EFR3A: variants seen among roughly 807,000 people sequenced by gnomAD.
EFR3A encodes protein EFR3 homolog A.
In EFR3A, 76 loss-of-function variants were observed where a neutral mutation model predicts 104.4. The observed-to-expected ratio is 0.73, with a 90% CI of 0.60 to 0.88. The LOEUF (loss-of-function observed/expected upper bound fraction) is 0.88. Among genes scored for constraint, EFR3A ranks in the 40% least tolerant of loss-of-function variants. EFR3A has a pLI of 0.00. For synonymous variants in EFR3A, 330 were observed against 330.0 expected (o/e 1.00, Z 0.00); for missense variants, 985 against 1,012.5 (o/e 0.97, Z 0.37).
At chr8:131,980,290 T>C (rs2130738566) in intron 14 of EFR3A, among the ~76,000 whole-genome samples, 1 of 152,262 alleles carries the variant, frequency 6.6e-6, no homozygotes, top group South Asian at 2.1e-4. Flanking sequence ...GATTGCTGTG[T>C]TTCAAGTTAA....
chr8:131,932,986 A>G (rs1278764802), intron 1 of EFR3A, among the ~76,000 whole-genome samples: 2 of 152,132 alleles, frequency 1.3e-5, no homozygotes, highest in Admixed American at 1.3e-4. Context: ...AAAACATATT[A>G]ATTAGCAAAG....
chr8:131,956,483 G>A (rs1197387161), intron 7 of EFR3A, among the ~76,000 whole-genome samples: 1 of 152,182 alleles, frequency 6.6e-6, no homozygotes, highest in East Asian at 1.9e-4. Context: ...TCAAGCCTTT[G>A]TGTTTCTGAC....
At chr8:132,007,170 G>A (rs1374150547) in intron 22 of EFR3A, among the ~76,000 whole-genome samples, 3 of 151,838 alleles carry the variant, frequency 2.0e-5, no homozygotes, top group Middle Eastern at 3.4e-3. Flanking sequence ...AAAATATAAA[G>A]ATGAGAAAGG....
intron 1 of EFR3A, among the ~76,000 whole-genome samples, chr8:131,919,876 G>GTA (rs924701049): frequency 4.0e-5 from 6 of 150,090 alleles, no homozygotes; most frequent in South Asian, 4.2e-4. Context: ...TTATATATAT[G>GTA]TATATATATA....
chr8:131,906,417 A>T (rs1043951563), intron 1 of EFR3A, among the ~76,000 whole-genome samples: 1 of 152,220 alleles, frequency 6.6e-6, no homozygotes, highest in Non-Finnish European at 1.5e-5. Context: ...GTTAATCCGT[A>T]CGAGTTTTAA....
intron 21 of EFR3A, 37 bp downstream of exon 21, chr8:132,002,743 T>C (rs377543066): frequency 4.8e-5 from 73 of 1,528,120 alleles, no homozygotes; most frequent in Non-Finnish European, 6.4e-5. Flanking sequence ...GTGGGTGGAC[T>C]GTTGTTTTGT....
chr8:131,986,015 T>G lies in EFR3A; in HGVS notation c.1870-179T>G, dbSNP rs547829980. On this transcript the variant is annotated intron_variant, in intron 16 of 22. Transcript: ENST00000254624. ...TGTTAAATTTTAAAAATAATAGATG[T>G]GAAAACAAAACAAACTTTACATTTG... is the stretch of plus-strand genomic sequence containing the variant. 1.8e-3 allele frequency among the ~76,000 whole-genome samples: 279 copies of G among 152,352 alleles called. 2 individuals are homozygous for G. The highest frequency in any genetic ancestry group is 6.5e-3 in the African/African-American group (271 of 41,586).
At chr8:131,912,782 TG>T (rs1293347667) in intron 1 of EFR3A, among the ~76,000 whole-genome samples, 5 of 152,320 alleles carry the variant, frequency 3.3e-5, no homozygotes, top group African/African-American at 9.6e-5. Flanking sequence ...GTTAAAATGC[TG>T]CTTTGAACTG....
intron 18 of EFR3A, among the ~76,000 whole-genome samples, chr8:131,993,091 G>A (rs1204334172): frequency 6.6e-6 from 1 of 152,102 alleles, no homozygotes; most frequent in African/African-American, 2.4e-5. Flanking sequence ...GTGCATAGAA[G>A]CTAGGAATGC....
intron 1 of EFR3A, among the ~76,000 whole-genome samples, chr8:131,934,400 T>G: frequency 1.3e-5 from 2 of 152,252 alleles, no homozygotes; most frequent in East Asian, 3.9e-4. Context: ...CTTTTCACTT[T>G]AGCCGCAAGT....
At chr8:131,941,176 C>A (rs182864454) in intron 2 of EFR3A, among the ~76,000 whole-genome samples, 3 of 152,106 alleles carry the variant, frequency 2.0e-5, no homozygotes, top group Admixed American at 1.3e-4. Context: ...AAGATTGTTT[C>A]AGGCAGAGTT....
At chr8:132,004,326 G>A (rs570585989) in intron 22 of EFR3A, among the ~76,000 whole-genome samples, 6 of 152,366 alleles carry the variant, frequency 3.9e-5, no homozygotes, top group Admixed American at 1.3e-4. Context: ...GAGGTGAGCA[G>A]TGGGCAAGTG....
intron 12 of EFR3A, among the ~76,000 whole-genome samples, chr8:131,977,896 CTGA>C (rs1403276622): frequency 6.6e-6 from 1 of 152,052 alleles, no homozygotes; most frequent in African/African-American, 2.4e-5. Flanking sequence ...CATTCCTCCT[CTGA>C]TGATATAAAC....
intron 22 of EFR3A, among the ~76,000 whole-genome samples, chr8:132,007,074 T>C (rs1485061389): frequency 1.3e-5 from 2 of 151,920 alleles, no homozygotes; most frequent in African/African-American, 4.8e-5. Context: ...GTCTGATGCC[T>C]TTCACCTAAA....
chr8:131,909,233 T>C (rs1301226917), intron 1 of EFR3A, among the ~76,000 whole-genome samples: 1 of 152,194 alleles, frequency 6.6e-6, no homozygotes, highest in Non-Finnish European at 1.5e-5. Context: ...AACTTTTTTT[T>C]CCCATAAAGA....
chr8:131,944,049 C>G (rs1430821689), intron 2 of EFR3A, among the ~76,000 whole-genome samples: 1 of 152,070 alleles, frequency 6.6e-6, no homozygotes, highest in Admixed American at 6.6e-5. Flanking sequence ...TGCAGATTCA[C>G]TGTCTAACAT....
rs193144313 is a variant in EFR3A at position 131,998,281 on chromosome 8, A to G, written c.2157+1784A>G. Among the ~76,000 whole-genome samples, 1,015 of 152,206 alleles carry G rather than the reference A, an allele frequency of 6.7e-3. 4 individuals carry two copies. Among genetic ancestry groups the G allele is most frequent in the Middle Eastern group, 0.017 (5 of 294 alleles). ...ATTTTACCAGTTAATGGTGCAGCAG[A>G]ATATCAAACTATTTTCTTAAAATGA... On this transcript the variant is annotated intron_variant, in intron 19 of 22. Coordinates refer to ENST00000254624, the MANE Select transcript of EFR3A (RefSeq NM_015137.6).
At position 131,944,878 on chromosome 8, in the gene EFR3A, G is replaced by C; in HGVS notation, c.215+6G>C. 6.2e-7 allele frequency: 1 copy of C among 1,605,402 alleles called. No homozygotes were observed. Among genetic ancestry groups the C allele is most frequent in the South Asian group, 1.1e-5 (1 of 88,842 alleles). ...GTTGTCAGACATCGTTCTGGGTAAG[G>C]AAACTAATGGCTGCTAAAATAGTAT... On this transcript the variant is annotated splice_donor_region_variant and intron_variant, in intron 3 of 22. Transcript: ENST00000254624.
chr8:131,999,152 T>C (rs1821657817), intron 19 of EFR3A, among the ~76,000 whole-genome samples: 1 of 152,160 alleles, frequency 6.6e-6, no homozygotes, highest in African/African-American at 2.4e-5. Context: ...ATGTTATATA[T>C]ATTAAATTTT....
Sources: allele counts gnomAD v4.1 joint callset (sites outside exome capture counted in the v4.1 genomes callset), GRCh38; gene constraint gnomAD v4.1.1; transcripts MANE v1.5; gene names NCBI Gene and HGNC (gene_info 2026-07-23, HGNC 2026-07-21).